Variants in ACVR1C observed in about 807,000 individuals in gnomAD.
The protein encoded by ACVR1C is activin A receptor type 1C.
ACVR1C carries 23 observed loss-of-function variants against 57.9 expected under a neutral mutation model. The observed-to-expected ratio is 0.40, with a 90% confidence interval of 0.29 to 0.56. ACVR1C has a LOEUF of 0.56. Ranked by LOEUF, ACVR1C falls within the 20% of genes least tolerant of loss-of-function variation. ACVR1C has a pLI of 0.50. For missense variants in ACVR1C, 480 were observed against 607.9 expected, an observed-to-expected ratio of 0.79 and a Z score of 2.21; for synonymous variants, 214 against 215.3, an observed-to-expected ratio of 0.99 and a Z score of 0.05.
At chr2:157,611,405 G>A (rs530502196) in intron 1 of ACVR1C, among the ~76,000 whole-genome samples, 41 of 152,328 alleles carry the variant, frequency 2.7e-4, no homozygotes, top group African/African-American at 7.5e-4. Context: ...CTTTAGGCAC[G>A]AGTGGTGGCA....
chr2:157,572,925 G>A (rs927813594), intron 2 of ACVR1C, among the ~76,000 whole-genome samples: 1 of 152,002 alleles, frequency 6.6e-6, no homozygotes, highest in African/African-American at 2.4e-5. Context: ...TCCACAAGGG[G>A]TCCAGTGAGT....
At chr2:157,542,295 T>C (rs547734796) in intron 6 of ACVR1C, among the ~76,000 whole-genome samples, 3 of 152,302 alleles carry the variant, frequency 2.0e-5, no homozygotes, top group Admixed American at 1.3e-4. Flanking sequence ...ATTGATTCTG[T>C]GTCTGTTGTA....
intron 3 of ACVR1C, among the ~76,000 whole-genome samples, chr2:157,554,262 A>AG (rs1558975080): frequency 5.7e-5 from 8 of 141,012 alleles, no homozygotes; most frequent in African/African-American, 6.0e-5. Context: ...AAAGAAAGAA[A>AG]GAAAGAAAGG....
chr2:157,628,438 C>T (rs1160963858), intron 1 of ACVR1C, 134 bp downstream of exon 1: 1 of 1,053,656 alleles, frequency 9.5e-7, no homozygotes, highest in Non-Finnish European at 1.4e-6. Flanking sequence ...CCCCTCAATC[C>T]GACTGGCGCT....
chr2:157,569,817 T>C (rs1294551745), intron 2 of ACVR1C, among the ~76,000 whole-genome samples: 1 of 17,334 alleles, frequency 5.8e-5, no homozygotes, highest in Non-Finnish European at 1.2e-4. Context: ...CTTCTGAAAC[T>C]ATTCCAATCA....
chr2:157,623,232 T>A lies in ACVR1C; in HGVS notation c.73+5340A>T, dbSNP rs532743495. Among the ~76,000 whole-genome samples, 191 of 152,296 alleles carry A rather than the reference T, an allele frequency of 1.3e-3. 1 individual carries two copies. The highest frequency in any genetic ancestry group is 4.0e-3 in the African/African-American group (168 of 41,572). On this transcript the variant is annotated intron_variant, in intron 1 of 8. Transcript: ENST00000243349. The stretch of plus-strand genomic sequence containing the variant: ...CAAAAAATTAAAACTTGAGCTACCA[T>A]ATGATCCAGCAATCCCACTGATGGA...
At chr2:157,544,881 T>C (rs536601221) in intron 4 of ACVR1C, among the ~76,000 whole-genome samples, 2 of 152,352 alleles carry the variant, frequency 1.3e-5, no homozygotes, top group Admixed American at 1.3e-4. Flanking sequence ...TCCTTTCTTA[T>C]TTCCTCTGTA....
At chr2:157,625,131 T>A (rs1682868927) in intron 1 of ACVR1C, among the ~76,000 whole-genome samples, 1 of 152,126 alleles carries the variant, frequency 6.6e-6, no homozygotes, top group African/African-American at 2.4e-5. Context: ...TTACTTAACA[T>A]CTCCATTTCA....
At chr2:157,614,461 A>G (rs1170770314) in intron 1 of ACVR1C, among the ~76,000 whole-genome samples, 1 of 152,168 alleles carries the variant, frequency 6.6e-6, no homozygotes, top group Non-Finnish European at 1.5e-5. Context: ...ACTTTAAAAT[A>G]TGTGTATTCT....
At chr2:157,534,077 G>C in intron 8 of ACVR1C, 34 bp from the exon 9 acceptor site, 3 of 1,478,988 alleles carry the variant, frequency 2.0e-6, no homozygotes, top group Non-Finnish European at 2.7e-6. Context: ...AAAGACTTTA[G>C]CTACTCTACA....
chr2:157,543,767 A>AT (rs1198274362), intron 5 of ACVR1C, among the ~76,000 whole-genome samples: 5 of 152,106 alleles, frequency 3.3e-5, no homozygotes, highest in Admixed American at 6.5e-5. Context: ...ATATACAAAT[A>AT]TTTTTTTCAA....
chr2:157,608,961 T>C (rs1267708423), intron 1 of ACVR1C, among the ~76,000 whole-genome samples: 2 of 151,886 alleles, frequency 1.3e-5, no homozygotes. Flanking sequence ...CCTTTTTTTG[T>C]TATTTAGTTC....
chr2:157,610,152 A>C (rs983316663), intron 1 of ACVR1C, among the ~76,000 whole-genome samples: 5 of 151,862 alleles, frequency 3.3e-5, no homozygotes, highest in Non-Finnish European at 5.9e-5. Flanking sequence ...TTATACTTTC[A>C]TGTGTTTTCA....
intron 1 of ACVR1C, among the ~76,000 whole-genome samples, chr2:157,617,222 A>G (rs1682673915): frequency 6.6e-6 from 1 of 152,120 alleles, no homozygotes; most frequent in Non-Finnish European, 1.5e-5. Context: ...TATTAATTAA[A>G]TAGTCATTGC....
chr2:157,551,315 T>C (rs894369142), intron 3 of ACVR1C, among the ~76,000 whole-genome samples: 2 of 152,190 alleles, frequency 1.3e-5, no homozygotes, highest in African/African-American at 4.8e-5. Flanking sequence ...AATAAGCATG[T>C]TCAGCACCTA....
intron 3 of ACVR1C, among the ~76,000 whole-genome samples, chr2:157,550,821 T>C (rs1253789830): frequency 6.6e-6 from 1 of 151,922 alleles, no homozygotes; most frequent in Non-Finnish European, 1.5e-5. Context: ...ATTTGTGAAT[T>C]TTTTCAAAAA....
chr2:157,566,822 A>C (rs1688398992), intron 2 of ACVR1C, among the ~76,000 whole-genome samples: 1 of 152,190 alleles, frequency 6.6e-6, no homozygotes, highest in African/African-American at 2.4e-5. Context: ...TTAGGTAAAC[A>C]AAGCAGCCGG....
In ACVR1C at chr2:157,533,759, A is replaced by C. The variant is rs1275753971; in HGVS notation, c.*159T>G. ...ATGAAGTCAACTCCTGCCCATGCTT[A>C]ACTTTAGAGTTATCTTTTCATGCTG... On this transcript the variant is annotated 3_prime_UTR_variant, in exon 9 of 9. Transcript: ENST00000243349. 1.8e-6 allele frequency: 1 copy of C among 567,430 alleles called. No individual in the cohort carries two copies. The highest frequency in any genetic ancestry group is 1.9e-5 in the African/African-American group (1 of 51,478). The allele number at this position is 567,430 out of a possible 1,614,324, so 35.1% of individuals were successfully genotyped here.
chr2:157,555,291 T>C (rs1219763844), intron 3 of ACVR1C, among the ~76,000 whole-genome samples: 3 of 151,324 alleles, frequency 2.0e-5, no homozygotes, highest in African/African-American at 4.9e-5. Flanking sequence ...GCTAATTTTT[T>C]GTATTTTTTA....
Sources: gnomAD v4.1 joint callset for allele counts (sites outside exome capture counted in the v4.1 genomes callset) on GRCh38, gnomAD v4.1.1 for gene constraint, MANE v1.5 for transcripts, NCBI Gene and HGNC (gene_info 2026-07-23, HGNC 2026-07-21) for gene names.